The following GOLM2 variants were observed in gnomAD, a reference collection of about 807,000 sequenced individuals.
GOLM2 encodes protein GOLM2.
In GOLM2, 26 loss-of-function variants were observed where a neutral mutation model predicts 55.9. That is an observed-to-expected ratio of 0.47 (90% CI 0.34 to 0.65). GOLM2 has a LOEUF of 0.65. GOLM2 is among the 30% of genes least tolerant of loss of function. The probability of loss-of-function intolerance (pLI) is 0.01; values close to 1 mark genes in which losing one functional copy is unlikely to be tolerated. For missense variants in GOLM2, 486 were observed against 531.8 expected, an observed-to-expected ratio of 0.91 and a Z score of 0.85; for synonymous variants, 165 against 194.6, an observed-to-expected ratio of 0.85 and a Z score of 1.27.
chr15:44,403,800 C>G (rs1313285239), intron 9 of GOLM2, among the ~76,000 whole-genome samples: 1 of 152,134 alleles, frequency 6.6e-6, no homozygotes, highest in African/African-American at 2.4e-5. Context: ...ATGGTTTTCT[C>G]CACACTGAAG....
intron 8 of GOLM2, among the ~76,000 whole-genome samples, chr15:44,395,499 T>C (rs1366278322): frequency 2.0e-5 from 3 of 151,788 alleles, no homozygotes; most frequent in Non-Finnish European, 4.4e-5. Context: ...TATTTTCTAC[T>C]GGTTTTTTTT....
intron 6 of GOLM2, among the ~76,000 whole-genome samples, chr15:44,369,067 T>TCATATA (rs1555424961): frequency 7.8e-4 from 18 of 22,978 alleles, no homozygotes; most frequent in African/African-American, 2.3e-3. Context: ...ATAGGATATA[T>TCATATA]TATATATATA....
At chr15:44,343,261 A>G (rs528395217) in intron 6 of GOLM2, among the ~76,000 whole-genome samples, 10 of 151,898 alleles carry the variant, frequency 6.6e-5, no homozygotes, top group Non-Finnish European at 1.0e-4. Flanking sequence ...AGAATCCAGA[A>G]GGCAGAGGTT....
rs188509696 is a variant in GOLM2, at chr15:44,384,778, G to A, written c.1072+3802G>A. 5.3e-5 allele frequency among the ~76,000 whole-genome samples: 8 copies of A among 151,808 alleles called. No individual in the cohort carries two copies. The East Asian group carries it at 5.8e-4, about 11-fold the overall frequency. On this transcript the variant is annotated intron_variant, in intron 8 of 9. Coordinates refer to ENST00000299957, the MANE Select transcript of GOLM2 (RefSeq NM_138423.4). ...AAAAAAATTAGCTGGGCGTGGTGGC[G>A]CATGCCTGTAATCCAAGCTACTTGG... is the stretch of plus-strand genomic sequence containing the variant.
At position 44,414,627 on chromosome 15, in the gene GOLM2, G is replaced by C. The variant is rs2079661397; in HGVS notation, c.*1221G>C. On this transcript the variant is annotated 3_prime_UTR_variant, in exon 10 of 10. Transcript: ENST00000299957. ...TCAAAGCTTTTCTGGTAATTTTAGT[G>C]ATCTTATTTGATTAGACTTTTTCAG... 6.6e-6 allele frequency: 1 copy of C among 152,086 alleles called. No homozygotes were observed. Among genetic ancestry groups the C allele is most frequent in the Non-Finnish European group, 1.5e-5 (1 of 68,022 alleles). The allele number at this position is 152,086 out of a possible 1,614,324, so 9.4% of individuals were successfully genotyped here.
At chr15:44,298,783 A>G (rs765131400) in intron 1 of GOLM2, among the ~76,000 whole-genome samples, 5 of 152,204 alleles carry the variant, frequency 3.3e-5, no homozygotes, top group South Asian at 2.1e-4. Context: ...GTTGATTTGT[A>G]TCCCCTAAAA....
intron 6 of GOLM2, among the ~76,000 whole-genome samples, chr15:44,366,115 G>A (rs1320524192): frequency 6.6e-6 from 1 of 151,960 alleles, no homozygotes; most frequent in Admixed American, 6.5e-5. Context: ...GGCTAACACA[G>A]TGAAACCCCA....
chr15:44,313,620 A>G (rs2078888853), intron 1 of GOLM2, among the ~76,000 whole-genome samples: 2 of 152,144 alleles, frequency 1.3e-5, no homozygotes, highest in Non-Finnish European at 2.9e-5. Context: ...ATATTGCTGT[A>G]TCTTTAGGCT....
chr15:44,342,025 G>A (rs1379440493), intron 6 of GOLM2, among the ~76,000 whole-genome samples: 1 of 151,952 alleles, frequency 6.6e-6, no homozygotes, highest in Non-Finnish European at 1.5e-5. Flanking sequence ...AGAATGAATA[G>A]CGCTACTTTT....
At chr15:44,299,926 CAAAAAAAAA>C (rs1009141482) in intron 1 of GOLM2, among the ~76,000 whole-genome samples, 2 of 11,536 alleles carry the variant, frequency 1.7e-4, no homozygotes, top group Non-Finnish European at 2.5e-4. Context: ...GGCAACATAG[CAAAAAAAAA>C]AAAAAAAAAA....
At chr15:44,344,838 C>T (rs1281989475) in intron 6 of GOLM2, among the ~76,000 whole-genome samples, 14 of 146,990 alleles carry the variant, frequency 9.5e-5, no homozygotes, top group African/African-American at 3.3e-4. Context: ...AGTGCAGTGG[C>T]GCAATCTTGG....
chr15:44,300,865 A>T (rs1474412569), intron 1 of GOLM2, among the ~76,000 whole-genome samples: 1 of 152,088 alleles, frequency 6.6e-6, no homozygotes, highest in Non-Finnish European at 1.5e-5. Flanking sequence ...CTTGTTCTTA[A>T]TTAACTTTAT....
chr15:44,312,844 G>T (rs1426782135), intron 1 of GOLM2, among the ~76,000 whole-genome samples: 1 of 152,164 alleles, frequency 6.6e-6, no homozygotes. Flanking sequence ...ACTTTGGGAG[G>T]CCGAGGCAGG....
chr15:44,360,911 G>A (rs376824791), intron 6 of GOLM2, among the ~76,000 whole-genome samples: 10 of 151,102 alleles, frequency 6.6e-5, no homozygotes, highest in South Asian at 2.1e-4. Context: ...ACTCAAAACC[G>A]CTCAACTACA....
intron 6 of GOLM2, among the ~76,000 whole-genome samples, chr15:44,375,296 C>T (rs922013246): frequency 2.6e-5 from 4 of 152,044 alleles, no homozygotes; most frequent in African/African-American, 7.2e-5. Context: ...TGAGATTACA[C>T]GCATGAGCCA....
At chr15:44,338,037 T>C in intron 5 of GOLM2, 130 bp downstream of exon 5, 2 of 1,018,058 alleles carry the variant, frequency 2.0e-6, no homozygotes, top group Non-Finnish European at 1.4e-6. Context: ...AGTGTCTGCA[T>C]TGTTTCAAAT....
At chr15:44,397,687 AC>A (rs2079537133) in intron 8 of GOLM2, among the ~76,000 whole-genome samples, 3 of 152,064 alleles carry the variant, frequency 2.0e-5, no homozygotes, top group African/African-American at 7.2e-5. Context: ...TTAACCAATC[AC>A]CTTGAAATTT....
intron 6 of GOLM2, among the ~76,000 whole-genome samples, chr15:44,375,434 A>G (rs1489595634): frequency 6.6e-6 from 1 of 152,028 alleles, no homozygotes; most frequent in Non-Finnish European, 1.5e-5. Flanking sequence ...TTTTTTCTTA[A>G]TTTGTTTGAG....
chr15:44,336,638 C>T (rs898791625), intron 4 of GOLM2, among the ~76,000 whole-genome samples: 2 of 151,636 alleles, frequency 1.3e-5, no homozygotes, highest in African/African-American at 2.4e-5. Flanking sequence ...CTGTTGTGGC[C>T]GGGTACGGTG....
Sources: gnomAD v4.1 joint callset for allele counts (sites outside exome capture counted in the v4.1 genomes callset) on GRCh38, gnomAD v4.1.1 for gene constraint, MANE v1.5 for transcripts, NCBI Gene and HGNC (gene_info 2026-07-23, HGNC 2026-07-21) for gene names.